FGD3: variants seen among roughly 807,000 people sequenced by gnomAD.
FGD3 encodes the protein FYVE, RhoGEF and PH domain containing 3, also known as FYVE, RhoGEF and PH domain-containing protein 3.
A neutral mutation model predicts 71.8 loss-of-function variants in FGD3; 45 were observed. The observed-to-expected ratio is 0.63, with a 90% CI of 0.49 to 0.80. The LOEUF (loss-of-function observed/expected upper bound fraction) is 0.80, where lower values mean the gene tolerates loss of function less well. Ranked by LOEUF, FGD3 falls within the 30% of genes least tolerant of loss-of-function variation. The probability of loss-of-function intolerance (pLI) is 0.00; values close to 1 mark genes in which losing one functional copy is unlikely to be tolerated. For missense variants in FGD3, 844 were observed against 951.5 expected (o/e 0.89, Z 1.49); for synonymous variants, 378 against 392.8 (o/e 0.96, Z 0.44).
intron 8 of FGD3, 34 bp downstream of exon 8, chr9:93,011,306 T>C (rs746267263): frequency 6.2e-7 from 1 of 1,613,442 alleles, no homozygotes; most frequent in Non-Finnish European, 8.5e-7. Context: ...ACCGGCAGGG[T>C]GGTGCAGCAA....
intron 3 of FGD3, among the ~76,000 whole-genome samples, chr9:92,982,051 T>A (rs1487663440): frequency 2.0e-5 from 3 of 152,248 alleles, no homozygotes; most frequent in African/African-American, 7.2e-5. Flanking sequence ...CAATAGTCCT[T>A]CTACAGTGTC....
intron 1 of FGD3, among the ~76,000 whole-genome samples, chr9:92,952,217 T>C (rs564358069): frequency 6.6e-6 from 1 of 151,216 alleles, no homozygotes; most frequent in East Asian, 1.9e-4. Flanking sequence ...TATACACATA[T>C]CATTGTTGAA....
At chr9:93,023,795 CTTTTTTTTT>C (rs569058583) in intron 14 of FGD3, among the ~76,000 whole-genome samples, 2 of 107,672 alleles carry the variant, frequency 1.9e-5, no homozygotes, top group African/African-American at 3.9e-5. Context: ...CCATCAGCAA[CTTTTTTTTT>C]TTTTTTTTTT....
At chr9:92,964,506 G>A (rs916104491) in intron 1 of FGD3, among the ~76,000 whole-genome samples, 2 of 152,222 alleles carry the variant, frequency 1.3e-5, no homozygotes, top group South Asian at 2.1e-4. Flanking sequence ...ACGGAATGGT[G>A]TCTTGTTTTT....
chr9:93,004,679 C>T (rs563324805), intron 5 of FGD3, among the ~76,000 whole-genome samples: 1 of 152,216 alleles, frequency 6.6e-6, no homozygotes, highest in African/African-American at 2.4e-5. Flanking sequence ...TTGCGTGTTG[C>T]GTTTCCCCTC....
At chr9:92,968,154 G>A (rs534743846) in intron 1 of FGD3, among the ~76,000 whole-genome samples, 23 of 152,102 alleles carry the variant, frequency 1.5e-4, no homozygotes, top group African/African-American at 5.3e-4. Flanking sequence ...GATACCCCCC[G>A]CCCACCAGCC....
chr9:92,986,849 G>C (rs1223196367), intron 3 of FGD3, among the ~76,000 whole-genome samples: 2 of 152,246 alleles, frequency 1.3e-5, no homozygotes, highest in African/African-American at 4.8e-5. Context: ...GTCAGGGGAA[G>C]GGTTAGAGGT....
intron 1 of FGD3, among the ~76,000 whole-genome samples, chr9:92,963,612 TA>T (rs920531351): frequency 5.9e-5 from 9 of 151,958 alleles, no homozygotes; most frequent in African/African-American, 1.9e-4. Flanking sequence ...GAAATTGCTT[TA>T]AAAAAAATGA....
chr9:92,996,512 C>G (rs1405246716), intron 3 of FGD3, among the ~76,000 whole-genome samples: 6 of 152,148 alleles, frequency 3.9e-5, no homozygotes, highest in Non-Finnish European at 8.8e-5. Flanking sequence ...TTCTTGCCTT[C>G]TGCTAGCTTT....
chr9:93,013,831 T>G, intron 8 of FGD3, 21 bp from the exon 9 acceptor site: 2 of 1,611,256 alleles, frequency 1.2e-6, no homozygotes, highest in South Asian at 2.2e-5. Context: ...CTTTGGTGCC[T>G]GAGTCCCATG....
chr9:92,998,064 T>C (rs1038445215), intron 3 of FGD3, among the ~76,000 whole-genome samples: 1 of 152,234 alleles, frequency 6.6e-6, no homozygotes, highest in African/African-American at 2.4e-5. Context: ...TGCAGAGTGT[T>C]TTCCAACTTG....
chr9:92,984,465 C>A (rs1192067707), intron 3 of FGD3, among the ~76,000 whole-genome samples: 1 of 152,138 alleles, frequency 6.6e-6, no homozygotes, highest in Non-Finnish European at 1.5e-5. Flanking sequence ...GGGGAGCAGA[C>A]AAAGAGGTTA....
chr9:93,030,845 G>C (rs996954273), intron 15 of FGD3, among the ~76,000 whole-genome samples: 3 of 152,088 alleles, frequency 2.0e-5, no homozygotes, highest in African/African-American at 7.2e-5. Flanking sequence ...TGGATGCGTG[G>C]ATGGATGGAT....
chr9:93,034,797 T>A, intron 17 of FGD3, 116 bp downstream of exon 17: 1 of 1,197,458 alleles, frequency 8.4e-7, no homozygotes. Context: ...CAGTGTTACC[T>A]GGGGCCTCAG....
Position 93,006,084 on chromosome 9 carries a change from C to T in FGD3, c.741C>T (p.Tyr247=), listed in dbSNP as rs769417864. 1.9e-5 allele frequency: 31 copies of T among 1,612,946 alleles called. No individual in the cohort carries two copies. The highest frequency in any genetic ancestry group is 8.8e-5 in the South Asian group (8 of 90,920). ...AGCTGGCCCCATTCCTGAAGATGTA[C>T]GGCGAGTATGTCAAGAACTTTGACC... ...LQKLAPFLKM[Y]GEYVKNFDRA... is the part of the protein sequence containing the mutation. The change falls in exon 6 of 18, where the codon TAC becomes TAT. Residue 247 remains tyrosine (Y), a synonymous_variant. Transcript: ENST00000375482.
chr9:93,028,197 GAC>G (rs371150500), intron 14 of FGD3, among the ~76,000 whole-genome samples: 1,751 of 147,192 alleles, frequency 0.012, 40 homozygotes, highest in African/African-American at 0.04. Flanking sequence ...CCCTAGCCCC[GAC>G]ACACACACAC....
At chr9:92,966,773 C>A (rs890997980) in intron 1 of FGD3, among the ~76,000 whole-genome samples, 1 of 152,248 alleles carries the variant, frequency 6.6e-6, no homozygotes, top group Non-Finnish European at 1.5e-5. Context: ...TGGACACCCC[C>A]AGCTGGGCAG....
At chr9:93,031,822 G>T (rs968323956) in intron 15 of FGD3, among the ~76,000 whole-genome samples, 1 of 152,180 alleles carries the variant, frequency 6.6e-6, no homozygotes, top group African/African-American at 2.4e-5. Context: ...GCAGAAGTGG[G>T]TGTGGGTGGC....
chr9:92,975,494 G>A (rs1415036004), intron 2 of FGD3, 89 bp downstream of exon 2: 1 of 152,274 alleles, frequency 6.6e-6, no homozygotes, highest in Non-Finnish European at 1.5e-5. Flanking sequence ...AGGGATGACA[G>A]TCTCCCTCTA....
Sources: allele counts gnomAD v4.1 joint callset (sites outside exome capture counted in the v4.1 genomes callset), GRCh38; gene constraint gnomAD v4.1.1; transcripts MANE v1.5; gene names NCBI Gene and HGNC (gene_info 2026-07-23, HGNC 2026-07-21).